PLCXD1: variants seen among roughly 807,000 people sequenced by gnomAD.
The protein encoded by PLCXD1 is phosphatidylinositol specific phospholipase C X domain containing 1.
A neutral mutation model predicts 37.8 loss-of-function variants in PLCXD1; 45 were observed. That is an observed-to-expected ratio of 1.19 (90% CI 0.94 to 1.53). The LOEUF (loss-of-function observed/expected upper bound fraction) is 1.53, where lower values mean the gene tolerates loss of function less well. PLCXD1 is among the 40% of genes most tolerant of loss of function. PLCXD1 has a pLI of 0.00. For missense variants in PLCXD1, 539 were observed against 454.7 expected, an observed-to-expected ratio of 1.19 and a Z score of -1.69; for synonymous variants, 246 against 206.9, an observed-to-expected ratio of 1.19 and a Z score of -1.62.
chrX:284,117 C>T lies in PLCXD1; in HGVS notation c.-21-50C>T, dbSNP rs189650532. On this transcript the variant is annotated intron_variant, in intron 1 of 6. Transcript: ENST00000381657. Reference sequence around the variant, plus strand: ...AGTTGGCCAGGCTGGTCTCGAACTCCTGACCTGAAGTCACCGTAAAAAACC... The same window carrying T: ...AGTTGGCCAGGCTGGTCTCGAACTCTTGACCTGAAGTCACCGTAAAAAACC... 3.3e-6 allele frequency: 5 copies of T among 1,507,980 alleles called. No homozygotes were observed. The African/African-American group carries it at 4.1e-5, about 12-fold the overall frequency. The allele number at this position is 1,507,980 out of a possible 1,614,324, so 93.4% of individuals were successfully genotyped here.
chrX:288,634 G>A lies in PLCXD1; in HGVS notation c.128-99G>A, dbSNP rs548641607. ...CCATACCTGTGCCTGTGCTGTGGGCGGGCAGCAGCCTGTGCTGTAGGCGGG... is the reference window on the plus strand; with the variant it reads ...CCATACCTGTGCCTGTGCTGTGGGCAGGCAGCAGCCTGTGCTGTAGGCGGG... On this transcript the variant is annotated intron_variant, in intron 2 of 6. Coordinates refer to ENST00000381657, the MANE Select transcript of PLCXD1 (RefSeq NM_018390.4). The A allele has an allele frequency of 4.4e-4, 576 of 1,306,802 alleles. 5 individuals carry two copies. The South Asian group carries it at 6.6e-3, about 15-fold the overall frequency. The allele number at this position is 1,306,802 out of a possible 1,614,324, so 81.0% of individuals were successfully genotyped here. A position where few individuals can be genotyped will look rare whatever the true frequency, so the allele number is the denominator to read the frequency against.
Position 299,311 on chromosome X carries a change from C to T in PLCXD1, c.948C>T (p.Leu316=), listed in dbSNP as rs780227650. ...GCTTCGTCAGTGACGTCATCGCGCT[C>T]AATCAGAAGCTGCTGTGGTGCTGAC... ...ADGFVSDVIA[L]NQKLLWC The change falls in exon 7 of 7, where the codon CTC becomes CTT. Residue 316 remains leucine, a synonymous_variant. Coordinates refer to ENST00000381657, the MANE Select transcript of PLCXD1 (RefSeq NM_018390.4). The T allele has an allele frequency of 3.1e-6, 5 of 1,613,372 alleles. No homozygotes were observed.
At chrX:292,072 C>T (rs1395750898) in intron 5 of PLCXD1, among the ~76,000 whole-genome samples, 7 of 152,040 alleles carry the variant, frequency 4.6e-5, no homozygotes, top group African/African-American at 9.7e-5. Context: ...GAGGCCGAGG[C>T]GGGCGGATCA....
At chrX:290,835 GC>G in intron 4 of PLCXD1, 59 bp downstream of exon 4, 1 of 1,502,056 alleles carries the variant, frequency 6.7e-7, no homozygotes. Flanking sequence ...GGGCACTGGT[GC>G]AGGTGCGGCC....
chrX:281,759 T>G (rs1036474525), intron 1 of PLCXD1, 75 bp downstream of exon 1: 1 of 152,166 alleles, frequency 6.6e-6, no homozygotes, highest in Non-Finnish European at 1.5e-5. Flanking sequence ...TTCCTCTCTG[T>G]CCCATTTCTT....
At chrX:287,258 G>A (rs942216270) in intron 2 of PLCXD1, among the ~76,000 whole-genome samples, 3 of 144,400 alleles carry the variant, frequency 2.1e-5, no homozygotes, top group African/African-American at 7.6e-5. Context: ...ATAAGTAAAT[G>A]TAAAATATAA....
At chrX:293,905 GTC>G in intron 6 of PLCXD1, among the ~76,000 whole-genome samples, 1 of 152,348 alleles carries the variant, frequency 6.6e-6, no homozygotes, top group East Asian at 1.9e-4. Context: ...TGGAAACAGG[GTC>G]TCTCCTTTTA....
At chrX:285,908 G>C (rs1350690780) in intron 2 of PLCXD1, among the ~76,000 whole-genome samples, 16 of 152,112 alleles carry the variant, frequency 1.1e-4, no homozygotes, top group Non-Finnish European at 2.1e-4. Context: ...ACGTCGAGAC[G>C]GGAGCTTCTA....
intron 2 of PLCXD1, among the ~76,000 whole-genome samples, chrX:285,144 GCACA>G (rs1486244409): frequency 1.3e-5 from 2 of 151,106 alleles, no homozygotes; most frequent in Non-Finnish European, 3.0e-5. Flanking sequence ...ATACATGCAT[GCACA>G]CATGCACATC....
intron 2 of PLCXD1, among the ~76,000 whole-genome samples, chrX:287,448 A>T (rs951336414): frequency 1.5e-5 from 2 of 130,258 alleles, no homozygotes; most frequent in African/African-American, 3.1e-5. Context: ...TATACACTAT[A>T]TATGTTTATA....
chrX:282,945 TTATATATATATTA>T (rs2069317859), intron 1 of PLCXD1, among the ~76,000 whole-genome samples: 1 of 105,450 alleles, frequency 9.5e-6, no homozygotes, highest in African/African-American at 3.1e-5. Context: ...TATATATATA[TTATATATATATTA>T]TATATGTATA....
chrX:293,133 A>G lies in PLCXD1; in HGVS notation c.648A>G (p.Pro216=), dbSNP rs374492773. Residue 216 remains proline (P), a synonymous_variant, in exon 6 of 7, where the codon CCA becomes CCG. Coordinates refer to ENST00000381657, the MANE Select transcript of PLCXD1 (RefSeq NM_018390.4). The part of the protein sequence containing the change: ...SSLRRHHELW[P]GVPYWWGNRV... ...TGCGCCGGCACCACGAGCTGTGGCC[A>G]GGAGTCCCCTACTGGTGGGGAAACA... 4.3e-6 allele frequency: 7 copies of G among 1,612,414 alleles called. No individual in the cohort carries two copies. Among genetic ancestry groups the G allele is most frequent in the Non-Finnish European group, 5.9e-6 (7 of 1,179,558 alleles).
At chrX:294,306 C>G (rs2069732996) in intron 6 of PLCXD1, among the ~76,000 whole-genome samples, 1 of 152,034 alleles carries the variant, frequency 6.6e-6, no homozygotes, top group Admixed American at 6.6e-5. Flanking sequence ...CATGGAGAAA[C>G]CCCGTCTCTA....
At chrX:288,958 T>C (rs1236730774) in intron 3 of PLCXD1, 89 bp downstream of exon 3, 2 of 1,349,208 alleles carry the variant, frequency 1.5e-6, no homozygotes, top group Admixed American at 1.7e-5. Flanking sequence ...CTCACCCAGG[T>C]AGGGTTTGAG....
chrX:284,331 G>GT lies in PLCXD1; in HGVS notation c.127+17_127+18insT, dbSNP rs747619055. On this transcript the variant is annotated intron_variant, in intron 2 of 6. Transcript: ENST00000381657. ...CCATCCCAGGTGAGGTTGGGGTGGG[G>GT]CAGGGGCCGTTGCCTCTATCCCAGG... is the stretch of plus-strand genomic sequence containing the variant. 13 of 1,612,330 alleles carry GT rather than the reference G, an allele frequency of 8.1e-6. No individual in the cohort carries two copies. In the South Asian group the frequency reaches 1.2e-4, roughly 15 times the overall value.
Position 284,233 on chromosome X carries a change from T to C in PLCXD1, c.46T>C (p.Cys16Arg). 6.2e-7 allele frequency: 1 copy of C among 1,613,472 alleles called. No individual in the cohort carries two copies. Among genetic ancestry groups the C allele is most frequent in the Non-Finnish European group, 8.5e-7 (1 of 1,179,648 alleles). The change falls in exon 2 of 7, where the codon TGC (cysteine) becomes CGC (arginine). Residue 16 changes from cysteine (C) to arginine (R), a missense_variant. Cys to Arg is a radical substitution (Grantham distance 180). Coordinates refer to ENST00000381657, the MANE Select transcript of PLCXD1 (RefSeq NM_018390.4). ...TTCCAACAGCTTCTCGAGGCTGCAC[T>C]GCAGAAATGCCAACGAGGACTGGAT... The part of the protein sequence containing the change: ...SASNSFSRLH[C>R]RNANEDWMSA...
At chrX:296,532 C>A (rs558344747) in intron 6 of PLCXD1, among the ~76,000 whole-genome samples, 15 of 152,318 alleles carry the variant, frequency 9.8e-5, no homozygotes, top group African/African-American at 2.9e-4. Context: ...GGCACTGGAA[C>A]CTACCTCTGG....
In PLCXD1 at chrX:300,539, CATGTAT is replaced by C. The variant is rs1025434778; in HGVS notation, c.*1209_*1214del. 14 of 137,050 alleles carry C rather than the reference CATGTAT, an allele frequency of 1.0e-4. No individual in the cohort carries two copies. The highest frequency in any genetic ancestry group is 2.0e-4 in the Non-Finnish European group (13 of 65,618). The allele number at this position is 137,050 out of a possible 1,614,324, so 8.5% of individuals were successfully genotyped here. A position where few individuals can be genotyped will look rare whatever the true frequency, so the allele number is the denominator to read the frequency against. On this transcript the variant is annotated 3_prime_UTR_variant, in exon 7 of 7. Transcript: ENST00000381657. ...GCATATGTGTATACGTGTATGCATA[CATGTAT>C]ATGTGTATGCATGTATATGTGTATG...
In PLCXD1 at chrX:301,519, C is replaced by A. The variant is rs1249076910; in HGVS notation, c.*2184C>A. Reference sequence around the variant, plus strand: ...GTAGTAGGGGCACAGTCATAGCTCACTGTAACCTTCAACGCCTGGGCTGAA... The same window carrying A: ...GTAGTAGGGGCACAGTCATAGCTCAATGTAACCTTCAACGCCTGGGCTGAA... On this transcript the variant is annotated 3_prime_UTR_variant, in exon 7 of 7. Coordinates refer to ENST00000381657, the MANE Select transcript of PLCXD1 (RefSeq NM_018390.4). The A allele has an allele frequency of 6.6e-6, 1 of 152,192 alleles. No homozygotes were observed. Among genetic ancestry groups the A allele is most frequent in the African/African-American group, 2.4e-5 (1 of 41,418 alleles). The allele number at this position is 152,192 out of a possible 1,614,324, so 9.4% of individuals were successfully genotyped here. A position where few individuals can be genotyped will look rare whatever the true frequency, so the allele number is the denominator to read the frequency against.
Sources: allele counts gnomAD v4.1 joint callset (sites outside exome capture counted in the v4.1 genomes callset), GRCh38; gene constraint gnomAD v4.1.1; transcripts MANE v1.5; gene names NCBI Gene and HGNC (gene_info 2026-07-23, HGNC 2026-07-21).